The following PRPSAP2 variants were observed in gnomAD, a reference collection of about 807,000 sequenced individuals.
PRPSAP2 encodes the protein phosphoribosyl pyrophosphate synthase-associated protein 2.
A neutral mutation model predicts 40.6 loss-of-function variants in PRPSAP2; 24 were observed. The ratio of observed to expected loss-of-function variants is 0.59; its 90% CI spans 0.43 to 0.83. The LOEUF (loss-of-function observed/expected upper bound fraction) is 0.83. PRPSAP2 is among the 40% of genes least tolerant of loss of function. The pLI, the probability that PRPSAP2 is intolerant of heterozygous loss-of-function variation, is 0.00. For missense variants in PRPSAP2, 292 were observed against 465.6 expected, an observed-to-expected ratio of 0.63 and a Z score of 3.43; for synonymous variants, 149 against 164.7, an observed-to-expected ratio of 0.90 and a Z score of 0.73.
At chr17:18,871,854 T>G (rs2037906599) in intron 4 of PRPSAP2, among the ~76,000 whole-genome samples, 1 of 150,460 alleles carries the variant, frequency 6.6e-6, no homozygotes, top group Admixed American at 6.6e-5. Flanking sequence ...GAGACGGGGT[T>G]TCTCTATGTT....
At chr17:18,861,626 T>A (rs1272426975) in intron 1 of PRPSAP2, among the ~76,000 whole-genome samples, 3 of 152,148 alleles carry the variant, frequency 2.0e-5, no homozygotes, top group Non-Finnish European at 4.4e-5. Flanking sequence ...TAGGTTAGGA[T>A]TCTATATAGA....
intron 10 of PRPSAP2, among the ~76,000 whole-genome samples, chr17:18,926,784 G>GTA (rs2042002753): frequency 7.8e-6 from 1 of 127,830 alleles, no homozygotes; most frequent in Non-Finnish European, 1.8e-5. Flanking sequence ...GTGAGTGTGT[G>GTA]TGTGTGTGTG....
Position 18,916,110 on chromosome 17 carries a change from G to A in PRPSAP2, c.733+4859G>A, listed in dbSNP as rs570065651. 4.6e-5 allele frequency among the ~76,000 whole-genome samples: 7 copies of A among 151,876 alleles called. No homozygotes were observed. In the South Asian group the frequency reaches 8.3e-4, roughly 18 times the overall value. ...TGGGATTACAGGCGTGAGCCACTGC[G>A]CCTGGCCCAAATTTTTAACATAAGT... On this transcript the variant is annotated intron_variant, in intron 9 of 11. Transcript: ENST00000268835.
intron 10 of PRPSAP2, among the ~76,000 whole-genome samples, chr17:18,926,431 T>C (rs2151975604): frequency 6.6e-6 from 1 of 151,942 alleles, no homozygotes; most frequent in South Asian, 2.1e-4. Context: ...CACGTCCGGC[T>C]AATTTTTGTA....
At chr17:18,908,171 A>AG in intron 8 of PRPSAP2, 1 of 609,486 alleles carries the variant, frequency 1.6e-6, no homozygotes, top group South Asian at 1.9e-5. Flanking sequence ...CAACAAAAAA[A>AG]AGCCAGATGC....
At chr17:18,867,435 T>C in intron 4 of PRPSAP2, 101 bp downstream of exon 4, 1 of 1,376,556 alleles carries the variant, frequency 7.3e-7, no homozygotes, top group Non-Finnish European at 1.0e-6. Flanking sequence ...GATTCAGTTG[T>C]ACATTTCCAT....
At chr17:18,869,576 C>T (rs560767312) in intron 4 of PRPSAP2, among the ~76,000 whole-genome samples, 15 of 151,152 alleles carry the variant, frequency 9.9e-5, no homozygotes, top group African/African-American at 3.4e-4. Flanking sequence ...AACCTCGGCT[C>T]ACTGCCACCT....
intron 5 of PRPSAP2, among the ~76,000 whole-genome samples, chr17:18,873,337 G>C (rs2038040725): frequency 6.6e-6 from 1 of 151,678 alleles, no homozygotes; most frequent in Non-Finnish European, 1.5e-5. Context: ...CTCCTGAGCA[G>C]CTGGGATTAT....
intron 9 of PRPSAP2, among the ~76,000 whole-genome samples, chr17:18,914,054 A>G (rs1042847278): frequency 2.0e-5 from 3 of 151,428 alleles, no homozygotes; most frequent in African/African-American, 7.3e-5. Context: ...CGTGCCTTAA[A>G]TCCCAACTAC....
intron 6 of PRPSAP2, among the ~76,000 whole-genome samples, chr17:18,879,030 C>T (rs1438916143): frequency 2.6e-5 from 4 of 151,968 alleles, no homozygotes; most frequent in South Asian, 2.1e-4. Context: ...CCACCACACT[C>T]AGCTAATTTT....
At position 18,924,889 on chromosome 17, in the gene PRPSAP2, G is replaced by C. The variant is rs557437464; in HGVS notation, c.804+905G>C. Reference sequence around the variant, plus strand: ...AATCCCAGCACTTTGGGAGGCCAAGGCAGGCAGATCACCTGAGGTCAGGAG... The same window carrying C: ...AATCCCAGCACTTTGGGAGGCCAAGCCAGGCAGATCACCTGAGGTCAGGAG... On this transcript the variant is annotated intron_variant, in intron 10 of 11. Coordinates refer to ENST00000268835, the MANE Select transcript of PRPSAP2 (RefSeq NM_002767.4). Among the ~76,000 whole-genome samples, 61 of 152,240 alleles carry C rather than the reference G, an allele frequency of 4.0e-4. No individual in the cohort carries two copies. In the South Asian group the frequency reaches 0.013, roughly 32 times the overall value.
chr17:18,890,883 G>T (rs769961223), intron 8 of PRPSAP2, among the ~76,000 whole-genome samples: 36 of 152,182 alleles, frequency 2.4e-4, no homozygotes, highest in Non-Finnish European at 4.0e-4. Flanking sequence ...AACCTGAGGT[G>T]TACCAAAGGG....
At chr17:18,899,527 T>TG (rs1164708506) in intron 8 of PRPSAP2, among the ~76,000 whole-genome samples, 2 of 138,090 alleles carry the variant, frequency 1.4e-5, no homozygotes, top group African/African-American at 5.4e-5. Flanking sequence ...GAGTTTTTTT[T>TG]TTTTTTTTTT....
chr17:18,883,424 G>T (rs558650759), intron 7 of PRPSAP2, among the ~76,000 whole-genome samples: 46 of 143,880 alleles, frequency 3.2e-4, no homozygotes, highest in Middle Eastern at 3.5e-3. Context: ...TTTTTGGTGG[G>T]GGGTGTGATG....
chr17:18,890,203 C>T (rs2039455424), intron 8 of PRPSAP2, among the ~76,000 whole-genome samples: 1 of 151,420 alleles, frequency 6.6e-6, no homozygotes, highest in Non-Finnish European at 1.5e-5. Context: ...GAGTTTCGCT[C>T]TTGTTGCCCA....
chr17:18,859,117 C>G (rs2036815536), intron 1 of PRPSAP2, among the ~76,000 whole-genome samples: 1 of 152,138 alleles, frequency 6.6e-6, no homozygotes, highest in Non-Finnish European at 1.5e-5. Context: ...TTACACAGGT[C>G]TGGTGTACTT....
intron 11 of PRPSAP2, chr17:18,929,780 T>C (rs1158778887): frequency 6.6e-6 from 1 of 152,240 alleles, no homozygotes; most frequent in East Asian, 1.9e-4. Flanking sequence ...AAATTTTTTT[T>C]CTACTTTTTA....
At chr17:18,872,036 T>C (rs2037922384) in intron 4 of PRPSAP2, among the ~76,000 whole-genome samples, 2 of 152,080 alleles carry the variant, frequency 1.3e-5, no homozygotes, top group Admixed American at 1.3e-4. Flanking sequence ...TTTGGGAGGC[T>C]GAGGCAGGCA....
At chr17:18,917,578 ATTATTATTTTTTTTTTTTTTTTTTTT>A (rs1345730377) in intron 9 of PRPSAP2, 12 of 33,618 alleles carry the variant, frequency 3.6e-4, no homozygotes, top group African/African-American at 1.5e-3. Context: ...TATTATTATT[ATTATTATTTTTTTTTTTTTTTTTTTT>A]TTTTTTTTTT....
Sources: allele counts gnomAD v4.1 joint callset (sites outside exome capture counted in the v4.1 genomes callset), GRCh38; gene constraint gnomAD v4.1.1; transcripts MANE v1.5; gene names NCBI Gene and HGNC (gene_info 2026-07-23, HGNC 2026-07-21).